The following DENND2A variants were observed in gnomAD, a reference collection of about 807,000 sequenced individuals.
DENND2A encodes DENN domain-containing protein 2A.
In DENND2A, 53 loss-of-function variants were observed where a neutral mutation model predicts 105.3. The observed-to-expected ratio is 0.50, with a 90% CI of 0.40 to 0.63. The LOEUF (loss-of-function observed/expected upper bound fraction) is 0.63. DENND2A is among the 30% of genes least tolerant of loss of function. The pLI, the probability that DENND2A is intolerant of heterozygous loss-of-function variation, is 0.00. For missense variants in DENND2A, 1,138 were observed against 1,279.6 expected (o/e 0.89, Z 1.69); for synonymous variants, 522 against 508.4 (o/e 1.03, Z -0.36).
intron 5 of DENND2A, 137 bp downstream of exon 5, chr7:140,585,452 C>A: frequency 8.4e-7 from 1 of 1,193,974 alleles, no homozygotes. Context: ...ACCAGTCAGC[C>A]AGCGTTGTAC....
At chr7:140,635,667 G>C (rs1489246186) in intron 1 of DENND2A, among the ~76,000 whole-genome samples, 3 of 152,160 alleles carry the variant, frequency 2.0e-5, no homozygotes, top group African/African-American at 7.2e-5. Flanking sequence ...CCAAGGCCAG[G>C]GGAAAAAACG....
At chr7:140,562,836 T>G (rs1797686684) in intron 9 of DENND2A, among the ~76,000 whole-genome samples, 1 of 152,224 alleles carries the variant, frequency 6.6e-6, no homozygotes, top group Non-Finnish European at 1.5e-5. Flanking sequence ...TTAGTTGTTC[T>G]TCTTCAGAAT....
chr7:140,536,068 G>C (rs1265885461), intron 14 of DENND2A, among the ~76,000 whole-genome samples: 1 of 152,136 alleles, frequency 6.6e-6, no homozygotes, highest in Non-Finnish European at 1.5e-5. Flanking sequence ...AATTCATAGA[G>C]AAGGCCGGGC....
At chr7:140,591,442 A>T (rs966766452) in intron 3 of DENND2A, among the ~76,000 whole-genome samples, 1 of 152,220 alleles carries the variant, frequency 6.6e-6, no homozygotes, top group Non-Finnish European at 1.5e-5. Flanking sequence ...CTATGCAGGA[A>T]GTCTGAAAGG....
At chr7:140,550,102 C>T (rs934574991) in intron 12 of DENND2A, among the ~76,000 whole-genome samples, 20 of 56,446 alleles carry the variant, frequency 3.5e-4, no homozygotes, top group Non-Finnish European at 5.1e-4. Flanking sequence ...AGTAGAATGG[C>T]GATGGTGAGG....
chr7:140,530,415 T>A (rs1354451453), intron 14 of DENND2A, among the ~76,000 whole-genome samples: 1 of 152,198 alleles, frequency 6.6e-6, no homozygotes, highest in Non-Finnish European at 1.5e-5. Context: ...AACCTTCCTG[T>A]TCTCTGTCTT....
chr7:140,611,147 C>A (rs934678130), intron 1 of DENND2A, among the ~76,000 whole-genome samples: 2 of 152,142 alleles, frequency 1.3e-5, no homozygotes, highest in African/African-American at 2.4e-5. Context: ...CAGGTTCAAG[C>A]GATTCTGCCT....
In DENND2A at chr7:140,567,124, C is replaced by T; in HGVS notation, c.1741G>A (p.Ala581Thr). 1 of 1,607,154 alleles carries T rather than the reference C, an allele frequency of 6.2e-7. No individual in the cohort carries two copies. Among genetic ancestry groups the T allele is most frequent in the South Asian group, 1.1e-5 (1 of 89,460 alleles). Residue 581 changes from alanine to threonine, a missense_variant, in exon 9 of 20, where the codon GCC becomes ACC. Around this residue, in one of 2 missense-constraint regions of DENND2A, gnomAD observed 627 missense variants for 779.8 expected, o/e 0.80. Transcript: ENST00000496613. Reference protein sequence around the residue: ...VSLHKKQAGAAYVPELTQQFP... With the variant: ...VSLHKKQAGATYVPELTQQFP... ...TGTTGGGTGAGTTCTGGCACGTAGG[C>T]AGCCCCGGCCTGCTTCTTGTGCAAA...
chr7:140,576,288 T>A (rs1188368748), intron 5 of DENND2A, among the ~76,000 whole-genome samples: 1 of 152,176 alleles, frequency 6.6e-6, no homozygotes, highest in Non-Finnish European at 1.5e-5. Context: ...GTGTTAATCT[T>A]TTCTTTTGTA....
At chr7:140,623,465 C>T (rs1047168728) in intron 1 of DENND2A, among the ~76,000 whole-genome samples, 1 of 151,712 alleles carries the variant, frequency 6.6e-6, no homozygotes, top group African/African-American at 2.4e-5. Flanking sequence ...TGCGGTGGTT[C>T]ACGCCTGTAA....
At chr7:140,639,661 C>A (rs1405093098) in intron 1 of DENND2A, among the ~76,000 whole-genome samples, 1 of 152,218 alleles carries the variant, frequency 6.6e-6, no homozygotes, top group Non-Finnish European at 1.5e-5. Context: ...AACTCTGTTA[C>A]CCCCAGCCCA....
chr7:140,520,058 C>T (rs1251740242), intron 18 of DENND2A, among the ~76,000 whole-genome samples: 1 of 152,124 alleles, frequency 6.6e-6, no homozygotes, highest in African/African-American at 2.4e-5. Context: ...AATCCCAGCA[C>T]TTTGGGAGGC....
At chr7:140,610,836 A>AGGACCC (rs1175191838) in intron 1 of DENND2A, among the ~76,000 whole-genome samples, 4 of 152,158 alleles carry the variant, frequency 2.6e-5, no homozygotes, top group Non-Finnish European at 2.9e-5. Context: ...AGCCCTCAGG[A>AGGACCC]GGACCCGGCA....
intron 1 of DENND2A, among the ~76,000 whole-genome samples, chr7:140,617,854 A>C (rs1800140344): frequency 1.3e-5 from 2 of 152,232 alleles, no homozygotes; most frequent in Admixed American, 6.5e-5. Context: ...GCCGGATGCC[A>C]GAGGCAGCTA....
chr7:140,596,235 C>T (rs1055045575), intron 3 of DENND2A, among the ~76,000 whole-genome samples: 2 of 152,138 alleles, frequency 1.3e-5, no homozygotes, highest in South Asian at 2.1e-4. Flanking sequence ...GAGCAAGCAC[C>T]GTCTCTCTGT....
intron 14 of DENND2A, among the ~76,000 whole-genome samples, chr7:140,534,562 C>G (rs745856744): frequency 1.3e-5 from 2 of 152,020 alleles, no homozygotes; most frequent in Non-Finnish European, 2.9e-5. Context: ...AATTTTATTC[C>G]CTGACTTGTG....
At chr7:140,542,257 C>T (rs1796693935) in intron 14 of DENND2A, among the ~76,000 whole-genome samples, 1 of 152,178 alleles carries the variant, frequency 6.6e-6, no homozygotes, top group Admixed American at 6.5e-5. Flanking sequence ...TCAGAACGAA[C>T]CCAAGTCCTT....
At chr7:140,629,224 G>A (rs1236331385) in intron 1 of DENND2A, among the ~76,000 whole-genome samples, 2 of 152,170 alleles carry the variant, frequency 1.3e-5, no homozygotes, top group Admixed American at 1.3e-4. Flanking sequence ...CGCCATTAGA[G>A]ACTGGGTGGA....
intron 1 of DENND2A, among the ~76,000 whole-genome samples, chr7:140,621,338 C>T (rs1800284027): frequency 6.6e-6 from 1 of 152,124 alleles, no homozygotes; most frequent in Non-Finnish European, 1.5e-5. Context: ...AGGCCTGGCC[C>T]TTCCACATAC....
Sources: gnomAD v4.1 joint callset for allele counts (sites outside exome capture counted in the v4.1 genomes callset) on GRCh38, gnomAD v4.1.1 for gene constraint, gnomAD v4.1.1 regional missense constraint, MANE v1.5 for transcripts, NCBI Gene and HGNC (gene_info 2026-07-23, HGNC 2026-07-21) for gene names.